Variants in DAB1 observed in about 807,000 individuals in gnomAD.
DAB1 encodes DAB adaptor protein 1.
A neutral mutation model predicts 64.6 loss-of-function variants in DAB1; 15 were observed. The ratio of observed to expected loss-of-function variants is 0.23; its 90% CI spans 0.16 to 0.36. The LOEUF (loss-of-function observed/expected upper bound fraction) is 0.36, where lower values mean the gene tolerates loss of function less well. DAB1 is among the 10% of genes least tolerant of loss of function. DAB1 has a pLI of 1.00. For missense variants in DAB1, 596 were observed against 706.7 expected (o/e 0.84, Z 1.78); for synonymous variants, 235 against 251.9 (o/e 0.93, Z 0.64).
rs76577199 is a variant in DAB1 at position 58,227,176 on chromosome 1, G to A, written n.310-76588C>T. Among the ~76,000 whole-genome samples the A allele has an allele frequency of 8.2e-3, 1,255 of 152,294 alleles. 16 individuals are homozygous for A. The highest frequency in any genetic ancestry group is 0.029 in the African/African-American group (1,193 of 41,554). On this transcript the variant is annotated intron_variant and non_coding_transcript_variant, in intron 4 of 20. Coordinates refer to the DAB1 transcript ENST00000485760. The stretch of plus-strand genomic sequence containing the variant: ...TCAACAACTTTGGAATCTCCTGGAA[G>A]AGATCTGAAATACACACAGAAGAAA...
rs761474051 is a variant in DAB1 at position 57,893,960 on chromosome 1, G to A, written n.388-9798C>T. 4.6e-5 allele frequency among the ~76,000 whole-genome samples: 7 copies of A among 152,204 alleles called. No individual in the cohort carries two copies. In the South Asian group the frequency reaches 6.2e-4, roughly 14 times the overall value. On this transcript the variant is annotated intron_variant and non_coding_transcript_variant, in intron 5 of 20. Coordinates refer to the DAB1 transcript ENST00000485760. Reference sequence around the variant, plus strand: ...TGTATACAGCCTCCTAGGGACATCCGGCTGGGGAGGGAAGAACGCCTCAAC... The same window carrying A: ...TGTATACAGCCTCCTAGGGACATCCAGCTGGGGAGGGAAGAACGCCTCAAC...
intron 7 of DAB1, among the ~76,000 whole-genome samples, chr1:57,520,570 G>A (rs1184261622): frequency 1.3e-5 from 2 of 151,934 alleles, no homozygotes; most frequent in Non-Finnish European, 2.9e-5. Flanking sequence ...AAATAAGAAA[G>A]AATAAGAATC....
intron 5 of DAB1, among the ~76,000 whole-genome samples, chr1:57,895,984 G>A (rs189412055): frequency 9.9e-5 from 15 of 152,264 alleles, no homozygotes; most frequent in Admixed American, 9.8e-4. Flanking sequence ...CCCAAAACCT[G>A]GTGAATGTGT....
At chr1:57,641,358 A>G (rs1411989774) in intron 7 of DAB1, among the ~76,000 whole-genome samples, 1 of 141,730 alleles carries the variant, frequency 7.1e-6, no homozygotes, top group African/African-American at 2.6e-5. Context: ...ACTCTTGCCC[A>G]GTTCCCTCTT....
chr1:57,196,320 C>A (rs538845552), intron 2 of DAB1, among the ~76,000 whole-genome samples: 7 of 152,326 alleles, frequency 4.6e-5, no homozygotes, highest in Non-Finnish European at 1.0e-4. Flanking sequence ...GTGTAGCCAT[C>A]CTCACCATAG....
intron 5 of DAB1, among the ~76,000 whole-genome samples, chr1:58,011,576 ATCTCT>A (rs1396102036): frequency 7.9e-5 from 12 of 152,196 alleles, no homozygotes; most frequent in African/African-American, 2.9e-4. Context: ...TTCTTTCCTG[ATCTCT>A]TCTCTCTTTT....
intron 4 of DAB1, among the ~76,000 whole-genome samples, chr1:58,331,135 G>A (rs1036463297): frequency 2.0e-5 from 3 of 152,146 alleles, no homozygotes; most frequent in African/African-American, 4.8e-5. Flanking sequence ...AACTTTAACA[G>A]GCTGTTGGAA....
chr1:58,477,234 A>G (rs1444045511), intron 3 of DAB1, among the ~76,000 whole-genome samples: 1 of 152,198 alleles, frequency 6.6e-6, no homozygotes. Flanking sequence ...AACAAGACAA[A>G]ACAAAACAAA....
At chr1:58,065,534 C>A (rs17116805) in intron 5 of DAB1, among the ~76,000 whole-genome samples, 1 of 152,094 alleles carries the variant, frequency 6.6e-6, no homozygotes, top group Non-Finnish European at 1.5e-5. Flanking sequence ...CAGTTCATGA[C>A]AGACTCTGAT....
intron 1 of DAB1, among the ~76,000 whole-genome samples, chr1:57,347,889 G>A (rs1678247065): frequency 6.6e-6 from 1 of 152,110 alleles, no homozygotes. Flanking sequence ...GTAAGATGAG[G>A]GGGTTACTAC....
chr1:57,623,030 T>A (rs1417111177), intron 7 of DAB1, among the ~76,000 whole-genome samples: 1 of 152,204 alleles, frequency 6.6e-6, no homozygotes, highest in Non-Finnish European at 1.5e-5. Flanking sequence ...GGGCTATTAG[T>A]CTTCATAATA....
At chr1:57,874,953 C>T (rs1644018360) in intron 1 of DAB1, 1 of 152,158 alleles carries the variant, frequency 6.6e-6, no homozygotes, top group African/African-American at 2.4e-5. Context: ...CTTCTAGAAA[C>T]ATTCACTGCT....
chr1:58,243,608 C>A (rs1268784705), intron 4 of DAB1, among the ~76,000 whole-genome samples: 3 of 152,036 alleles, frequency 2.0e-5, no homozygotes, highest in African/African-American at 7.2e-5. Context: ...GTAATGATCA[C>A]CTCCTTGCCC....
chr1:57,985,630 A>G (rs1646196430), intron 5 of DAB1, among the ~76,000 whole-genome samples: 1 of 127,118 alleles, frequency 7.9e-6, no homozygotes, highest in South Asian at 3.1e-4. Context: ...CCTGACTCAC[A>G]GTAGACCCTC....
chr1:58,047,917 A>G lies in DAB1; in HGVS notation n.387+102594T>C, dbSNP rs77935421. 5 of 388,086 alleles carry G rather than the reference A, an allele frequency of 1.3e-5. No homozygotes were observed. In the East Asian group the frequency reaches 1.7e-4, roughly 13 times the overall value. 24.0% of individuals were successfully genotyped at this position (388,086 alleles called of 1,614,324 possible). ...ATCAACAGCATGGGTGCAAAAAAAAATCTACATTAAAACCCTTTGTTGGAA... is the reference window on the plus strand; with the variant it reads ...ATCAACAGCATGGGTGCAAAAAAAAGTCTACATTAAAACCCTTTGTTGGAA... On this transcript the variant is annotated intron_variant and non_coding_transcript_variant, in intron 5 of 20. Transcript: ENST00000485760.
At chr1:57,027,060 G>A (rs966335951) in intron 9 of DAB1, among the ~76,000 whole-genome samples, 25 of 152,252 alleles carry the variant, frequency 1.6e-4, no homozygotes, top group African/African-American at 6.0e-4. Flanking sequence ...TGAAGAGTCC[G>A]ACTGCCCTGC....
At chr1:58,168,846 C>T (rs550250390) in intron 4 of DAB1, among the ~76,000 whole-genome samples, 1 of 152,212 alleles carries the variant, frequency 6.6e-6, no homozygotes, top group South Asian at 2.1e-4. Flanking sequence ...GGGTAAAGTC[C>T]CAATACTAAC....
chr1:58,286,371 A>G (rs1661682084), intron 4 of DAB1, among the ~76,000 whole-genome samples: 1 of 152,238 alleles, frequency 6.6e-6, no homozygotes, highest in Admixed American at 6.5e-5. Context: ...CATCAGAGTG[A>G]ACAGACAACC....
chr1:58,226,853 C>T (rs892460741), intron 4 of DAB1, among the ~76,000 whole-genome samples: 1 of 152,200 alleles, frequency 6.6e-6, no homozygotes, highest in African/African-American at 2.4e-5. Flanking sequence ...CAGAACTTAA[C>T]AGTGTCATCC....
Sources: gnomAD v4.1 joint callset for allele counts (sites outside exome capture counted in the v4.1 genomes callset) on GRCh38, gnomAD v4.1.1 for gene constraint, MANE v1.5 for transcripts, NCBI Gene and HGNC (gene_info 2026-07-23, HGNC 2026-07-21) for gene names.